The following ARNT2 variants were observed in gnomAD, a reference collection of about 807,000 sequenced individuals.
The protein encoded by ARNT2 is aryl hydrocarbon receptor nuclear translocator 2.
ARNT2 carries 36 observed loss-of-function variants against 91.7 expected under a neutral mutation model. The ratio of observed to expected loss-of-function variants is 0.39; its 90% confidence interval spans 0.30 to 0.52. The LOEUF (loss-of-function observed/expected upper bound fraction) is 0.52. Among genes scored for constraint, ARNT2 ranks in the 20% least tolerant of loss-of-function variants. The pLI is 0.72. For synonymous variants in ARNT2, 365 were observed against 347.1 expected (o/e 1.05, Z -0.57); for missense variants, 775 against 939.3 (o/e 0.83, Z 2.29).
chr15:80,462,409 C>T (rs992676883), intron 3 of ARNT2, among the ~76,000 whole-genome samples: 1 of 152,172 alleles, frequency 6.6e-6, no homozygotes, highest in African/African-American at 2.4e-5. Context: ...GTCATTAAAA[C>T]AAAAGAGAGG....
intron 4 of ARNT2, among the ~76,000 whole-genome samples, chr15:80,471,462 T>C (rs187823590): frequency 6.6e-5 from 10 of 152,272 alleles, no homozygotes; most frequent in East Asian, 3.9e-4. Context: ...AAATAATTTG[T>C]ATAACAAATT....
intron 11 of ARNT2, chr15:80,555,372 A>G: frequency 2.0e-6 from 1 of 495,674 alleles, no homozygotes; most frequent in Non-Finnish European, 3.6e-6. Flanking sequence ...GAAGAAAAAC[A>G]TTGCAGAGCA....
At chr15:80,572,256 G>T (rs1596020435) in intron 12 of ARNT2, among the ~76,000 whole-genome samples, 1 of 151,976 alleles carries the variant, frequency 6.6e-6, no homozygotes, top group Non-Finnish European at 1.5e-5. Flanking sequence ...TTCCTTCCAC[G>T]GTGGCCACAC....
At chr15:80,461,588 A>G (rs547380748) in intron 3 of ARNT2, among the ~76,000 whole-genome samples, 1 of 152,254 alleles carries the variant, frequency 6.6e-6, no homozygotes, top group African/African-American at 2.4e-5. Flanking sequence ...GGCCGAGGTC[A>G]GTCCTGGGAG....
intron 8 of ARNT2, among the ~76,000 whole-genome samples, chr15:80,527,108 CT>C (rs1046783958): frequency 6.6e-6 from 1 of 152,190 alleles, no homozygotes; most frequent in Non-Finnish European, 1.5e-5. Flanking sequence ...GTCTTCTGGC[CT>C]CTTTGTTCTC....
intron 6 of ARNT2, among the ~76,000 whole-genome samples, chr15:80,512,812 T>A (rs1897364147): frequency 6.6e-6 from 1 of 152,224 alleles, no homozygotes; most frequent in Non-Finnish European, 1.5e-5. Context: ...CCTAGTGTCC[T>A]TCCAGGGAGC....
At chr15:80,566,591 C>A (rs183863501) in intron 12 of ARNT2, among the ~76,000 whole-genome samples, 133 of 152,350 alleles carry the variant, frequency 8.7e-4, no homozygotes, top group Non-Finnish European at 1.5e-3. Flanking sequence ...CCCTGCCAGA[C>A]GTGTCTGTGG....
chr15:80,587,731 A>G (rs1312515827), intron 17 of ARNT2, among the ~76,000 whole-genome samples: 2 of 152,220 alleles, frequency 1.3e-5, no homozygotes, highest in Admixed American at 1.3e-4. Context: ...GAGGTGGCCC[A>G]TGCACAGAAT....
chr15:80,448,980 G>A (rs567899266), intron 1 of ARNT2, among the ~76,000 whole-genome samples: 38 of 151,686 alleles, frequency 2.5e-4, no homozygotes, highest in Non-Finnish European at 4.0e-4. Context: ...GTGAGACTCC[G>A]TCTCAAAAAA....
chr15:80,570,681 G>A (rs565662548), intron 12 of ARNT2, among the ~76,000 whole-genome samples: 29 of 152,264 alleles, frequency 1.9e-4, no homozygotes, highest in Non-Finnish European at 2.2e-4. Context: ...CCGACATTAG[G>A]AGGCAGACTG....
intron 8 of ARNT2, among the ~76,000 whole-genome samples, chr15:80,522,764 T>C (rs997618523): frequency 3.2e-4 from 44 of 137,020 alleles, no homozygotes; most frequent in African/African-American, 1.4e-3. Flanking sequence ...CATACACATA[T>C]ATATATATAT....
chr15:80,466,187 C>G (rs1057422896), intron 3 of ARNT2, among the ~76,000 whole-genome samples: 5 of 152,218 alleles, frequency 3.3e-5, no homozygotes, highest in Non-Finnish European at 5.9e-5. Context: ...TAAAATTCTC[C>G]TTTCGTATTC....
chr15:80,487,121 G>T (rs1314571150), intron 5 of ARNT2, among the ~76,000 whole-genome samples: 1 of 152,166 alleles, frequency 6.6e-6, no homozygotes, highest in Admixed American at 6.5e-5. Context: ...GCAGGCAGTT[G>T]AATTCCTCCA....
At chr15:80,415,302 T>C (rs963437984) in intron 1 of ARNT2, among the ~76,000 whole-genome samples, 1 of 152,286 alleles carries the variant, frequency 6.6e-6, no homozygotes, top group Non-Finnish European at 1.5e-5. Flanking sequence ...TTTTAATTGC[T>C]TATCCACCTA....
intron 2 of ARNT2, among the ~76,000 whole-genome samples, chr15:80,453,857 C>G (rs1192008936): frequency 6.6e-6 from 1 of 152,162 alleles, no homozygotes; most frequent in Non-Finnish European, 1.5e-5. Flanking sequence ...CCTTCCCACA[C>G]CCCCATTCCT....
At chr15:80,518,001 G>T (rs1226959396) in intron 8 of ARNT2, among the ~76,000 whole-genome samples, 1 of 152,098 alleles carries the variant, frequency 6.6e-6, no homozygotes, top group African/African-American at 2.4e-5. Context: ...TCTGGTTCCA[G>T]TGCTCACTTT....
chr15:80,472,200 T>C (rs2141395966), intron 4 of ARNT2, among the ~76,000 whole-genome samples: 1 of 152,086 alleles, frequency 6.6e-6, no homozygotes, highest in East Asian at 1.9e-4. Context: ...GTCCTAAAAG[T>C]AATGGAGGAT....
In ARNT2 at chr15:80,404,472, C is replaced by A; in HGVS notation, c.-44C>A. The A allele has an allele frequency of 8.3e-7, 1 of 1,207,536 alleles. No homozygotes were observed. The highest frequency in any genetic ancestry group is 1.0e-6 in the Non-Finnish European group (1 of 953,616). 74.8% of individuals were successfully genotyped at this position (1,207,536 alleles called of 1,614,324 possible). On this transcript the variant is annotated 5_prime_UTR_variant, in exon 1 of 19. Transcript: ENST00000303329. The surrounding 1 kb of genome is among the most constrained non-coding windows in gnomAD (Gnocchi z 5.5). The stretch of plus-strand genomic sequence containing the variant: ...CTGAGCGCCGGGCTCCGCGCCGCCC[C>A]TCCCGCGCCCCTGCCAAGCGGGCGC...
chr15:80,428,978 G>A (rs1450793510), intron 1 of ARNT2, among the ~76,000 whole-genome samples: 1 of 152,176 alleles, frequency 6.6e-6, no homozygotes, highest in African/African-American at 2.4e-5. Context: ...TTAGAATACT[G>A]TATTCCAAAT....
Sources: gnomAD v4.1 joint callset for allele counts (sites outside exome capture counted in the v4.1 genomes callset) on GRCh38, gnomAD v4.1.1 for gene constraint, Gnocchi (gnomAD v3.1) non-coding constraint, MANE v1.5 for transcripts, NCBI Gene and HGNC (gene_info 2026-07-23, HGNC 2026-07-21) for gene names.